The following MLF1 variants were observed in gnomAD, a reference collection of about 807,000 sequenced individuals.
The protein encoded by MLF1 is myelodysplasia-myeloid leukemia factor 1.
A neutral mutation model predicts 38.3 loss-of-function variants in MLF1; 37 were observed. The ratio of observed to expected loss-of-function variants is 0.96; its 90% CI spans 0.74 to 1.27. The LOEUF (loss-of-function observed/expected upper bound fraction) is 1.27. Among genes scored for constraint, MLF1 ranks in the 50% most tolerant of loss-of-function variants. MLF1 has a pLI of 0.00. For missense variants in MLF1, 331 were observed against 349.2 expected, an observed-to-expected ratio of 0.95 and a Z score of 0.42; for synonymous variants, 95 against 106.5, an observed-to-expected ratio of 0.89 and a Z score of 0.66.
At chr3:158,604,860 T>C (rs1029759884) in intron 7 of MLF1, among the ~76,000 whole-genome samples, 1 of 152,162 alleles carries the variant, frequency 6.6e-6, no homozygotes, top group Non-Finnish European at 1.5e-5. Context: ...GGTTTCATCA[T>C]GTTGGCCAGG....
At chr3:158,583,699 CT>C (rs1716774838) in intron 1 of MLF1, among the ~76,000 whole-genome samples, 1 of 152,110 alleles carries the variant, frequency 6.6e-6, no homozygotes, top group South Asian at 2.1e-4. Context: ...AGTAACTTTA[CT>C]TTTATTCATT....
intron 1 of MLF1, among the ~76,000 whole-genome samples, chr3:158,576,822 A>G (rs1027297274): frequency 6.6e-6 from 1 of 151,722 alleles, no homozygotes; most frequent in Non-Finnish European, 1.5e-5. Flanking sequence ...ACAGGCGCAC[A>G]CCACCACACC....
chr3:158,596,910 A>G lies in MLF1; in HGVS notation c.289A>G (p.Met97Val). 1 of 1,609,668 alleles carries G rather than the reference A, an allele frequency of 6.2e-7. No individual in the cohort carries two copies. Among genetic ancestry groups the G allele is most frequent in the Non-Finnish European group, 8.5e-7 (1 of 1,177,160 alleles). The change falls in exon 4 of 8, where the codon ATG (methionine) becomes GTG (valine). Residue 97 changes from methionine to valine, a missense_variant. Physicochemically the swap from Met to Val is conservative, Grantham distance 21 (BLOSUM62 1). Coordinates refer to ENST00000466246, the MANE Select transcript of MLF1 (RefSeq NM_001369783.1). Reference protein sequence around the residue: ...FQTMDQMVSNMRNYMQKLERN... With the variant: ...FQTMDQMVSNVRNYMQKLERN... ...GACAATGGACCAAATGGTGTCAAAT[A>G]TGAGAAACTATATGCAGAAATTAGA...
chr3:158,575,902 C>T (rs527411814), intron 1 of MLF1, among the ~76,000 whole-genome samples: 9 of 151,994 alleles, frequency 5.9e-5, no homozygotes, highest in South Asian at 4.2e-4. Flanking sequence ...TATAAGCAAA[C>T]GCTACTGATT....
At chr3:158,603,371 G>A (rs368025123) in intron 7 of MLF1, among the ~76,000 whole-genome samples, 14 of 152,290 alleles carry the variant, frequency 9.2e-5, no homozygotes, top group African/African-American at 3.1e-4. Flanking sequence ...TCAAAATTTA[G>A]CATTTAATAG....
rs745457708 is a variant in MLF1 at position 158,598,252 on chromosome 3, G to A, written c.453+44G>A. ...TTCCTAAAGTTTTATAAAGTTAGGG[G>A]ATGATAGACTGTCTAGATCAAATTT... On this transcript the variant is annotated intron_variant, in intron 5 of 7. Coordinates refer to ENST00000466246, the MANE Select transcript of MLF1 (RefSeq NM_001369783.1). 9 of 1,503,374 alleles carry A rather than the reference G, an allele frequency of 6.0e-6. No homozygotes were observed. The South Asian group carries it at 1.0e-4, about 17-fold the overall frequency. 93.1% of individuals were successfully genotyped at this position (1,503,374 alleles called of 1,614,324 possible).
At position 158,585,132 on chromosome 3, in the gene MLF1, A is replaced by G. The variant is rs543133528; in HGVS notation, c.48-7302A>G. On this transcript the variant is annotated intron_variant, in intron 1 of 7. Coordinates refer to ENST00000466246, the MANE Select transcript of MLF1 (RefSeq NM_001369783.1). ...AATGTCATGTTGAAATCTGATCCCT[A>G]ACATTGGTAGTGGGAGTTAATGAGA... is the stretch of plus-strand genomic sequence containing the variant. Among the ~76,000 whole-genome samples, 10 of 152,080 alleles carry G rather than the reference A, an allele frequency of 6.6e-5. No homozygotes were observed. The South Asian group carries it at 1.7e-3, about 25-fold the overall frequency.
rs35009328 is a variant in MLF1, at chr3:158,596,900, G to A, written c.279G>A (p.Met93Ile). Residue 93 changes from methionine (M) to isoleucine (I), a missense_variant, in exon 4 of 8, where the codon ATG (methionine) becomes ATA (isoleucine). By Grantham distance (10) the Met-to-Ile change is conservative. Coordinates refer to ENST00000466246, the MANE Select transcript of MLF1 (RefSeq NM_001369783.1). ...GCTCTTTCCAGACAATGGACCAAAT[G>A]GTGTCAAATATGAGAAACTATATGC... is the stretch of plus-strand genomic sequence containing the variant. ...DVSSFQTMDQMVSNMRNYMQK... is the reference protein window; with the variant it reads ...DVSSFQTMDQIVSNMRNYMQK... 9.6e-4 allele frequency: 1,540 copies of A among 1,609,662 alleles called. 13 individuals are homozygous for A. In the African/African-American group the frequency reaches 0.019, roughly 20 times the overall value.
chr3:158,600,725 T>C (rs1394742798), intron 6 of MLF1, among the ~76,000 whole-genome samples: 1 of 147,546 alleles, frequency 6.8e-6, no homozygotes, highest in East Asian at 2.0e-4. Flanking sequence ...TTATTGTAAA[T>C]AAGCCATAAT....
At chr3:158,577,596 A>G (rs1715660502) in intron 1 of MLF1, among the ~76,000 whole-genome samples, 1 of 152,220 alleles carries the variant, frequency 6.6e-6, no homozygotes, top group South Asian at 2.1e-4. Flanking sequence ...CTTATAAATG[A>G]ACTTTGCAAA....
intron 5 of MLF1, 117 bp downstream of exon 5, chr3:158,598,325 GAGGTGT>G: frequency 2.2e-6 from 2 of 898,380 alleles, no homozygotes; most frequent in East Asian, 3.0e-5. Context: ...GGACAGGAGG[GAGGTGT>G]GGGGGTTGGG....
intron 1 of MLF1, among the ~76,000 whole-genome samples, chr3:158,579,956 A>G (rs1576647218): frequency 6.6e-6 from 1 of 152,244 alleles, no homozygotes; most frequent in South Asian, 2.1e-4. Context: ...ATCAAATGGT[A>G]TGAAATCCTT....
At chr3:158,601,066 TCTC>T (rs778575247) in intron 6 of MLF1, among the ~76,000 whole-genome samples, 2 of 152,060 alleles carry the variant, frequency 1.3e-5, no homozygotes, top group Non-Finnish European at 2.9e-5. Flanking sequence ...GTTGGATTCA[TCTC>T]CTAGTTTCAG....
At chr3:158,589,659 G>A (rs1426946684) in intron 1 of MLF1, among the ~76,000 whole-genome samples, 1 of 152,146 alleles carries the variant, frequency 6.6e-6, no homozygotes, top group Non-Finnish European at 1.5e-5. Flanking sequence ...TAAAAAACTT[G>A]TATTAGTTTC....
At chr3:158,582,072 C>T (rs374736976) in intron 1 of MLF1, among the ~76,000 whole-genome samples, 8 of 151,788 alleles carry the variant, frequency 5.3e-5, no homozygotes, top group Admixed American at 3.9e-4. Flanking sequence ...CCCAGCTACT[C>T]GGGAGGCTGA....
intron 3 of MLF1, among the ~76,000 whole-genome samples, chr3:158,594,172 G>A (rs764720400): frequency 2.0e-5 from 3 of 152,104 alleles, no homozygotes; most frequent in African/African-American, 4.8e-5. Context: ...TTATAACACA[G>A]AGTTATGAGT....
rs778753900 is a variant in MLF1, at chr3:158,606,108, CA to C, written c.*908del. The C allele has an allele frequency of 1.1e-5, 2 of 180,564 alleles. No homozygotes were observed. Among genetic ancestry groups the C allele is most frequent in the African/African-American group, 2.4e-5 (1 of 42,448 alleles). 11.2% of individuals were successfully genotyped at this position (180,564 alleles called of 1,614,324 possible). A position where few individuals can be genotyped will look rare whatever the true frequency, so the allele number is the denominator to read the frequency against. Reference sequence around the variant, plus strand: ...TAGACAGCTGATGGGTGTTTTTGAGCAACGTCTTAATAATTCAGTTGTTTCT... The same window carrying C: ...TAGACAGCTGATGGGTGTTTTTGAGCACGTCTTAATAATTCAGTTGTTTCT... On this transcript the variant is annotated 3_prime_UTR_variant, in exon 8 of 8. Coordinates refer to ENST00000466246, the MANE Select transcript of MLF1 (RefSeq NM_001369783.1).
intron 3 of MLF1, among the ~76,000 whole-genome samples, chr3:158,596,444 G>A (rs746452303): frequency 2.0e-5 from 3 of 152,064 alleles, no homozygotes; most frequent in Non-Finnish European, 2.9e-5. Flanking sequence ...CATCTTATAC[G>A]CAAATTTAGT....
At chr3:158,600,286 G>T (rs1719555731) in intron 6 of MLF1, 113 bp downstream of exon 6, 1 of 492,404 alleles carries the variant, frequency 2.0e-6, no homozygotes, top group African/African-American at 2.0e-5. Context: ...AATAATGCAT[G>T]TAGAGAATAC....
Sources: gnomAD v4.1 joint callset for allele counts (sites outside exome capture counted in the v4.1 genomes callset) on GRCh38, gnomAD v4.1.1 for gene constraint, MANE v1.5 for transcripts, NCBI Gene and HGNC (gene_info 2026-07-23, HGNC 2026-07-21) for gene names.